SH3KBP1: variants seen among roughly 807,000 people sequenced by gnomAD.
SH3KBP1 encodes the protein SH3 domain containing kinase binding protein 1, also known as SH3 domain-containing kinase-binding protein 1.
A neutral mutation model predicts 50.1 loss-of-function variants in SH3KBP1; 8 were observed. The observed-to-expected ratio is 0.16, with a 90% confidence interval of 0.09 to 0.29. The LOEUF is 0.29. Ranked by LOEUF, SH3KBP1 falls within the 10% of genes least tolerant of loss-of-function variation. The probability of loss-of-function intolerance (pLI) is 1.00; values close to 1 mark genes in which losing one functional copy is unlikely to be tolerated. For synonymous variants in SH3KBP1, 227 were observed against 218.6 expected (o/e 1.04, Z -0.34); for missense variants, 377 against 535.2 (o/e 0.70, Z 2.92).
At chrX:19,714,206 G>C (rs898694421) in intron 3 of SH3KBP1, among the ~76,000 whole-genome samples, 1 of 112,172 alleles carries the variant, frequency 8.9e-6, no homozygotes, top group Non-Finnish European at 1.9e-5. Flanking sequence ...AGTGGGAGCA[G>C]GTCGGGGGTG....
chrX:19,637,080 G>A (rs898191574), intron 7 of SH3KBP1, among the ~76,000 whole-genome samples: 1 of 112,340 alleles, frequency 8.9e-6, no homozygotes, highest in African/African-American at 3.2e-5. Flanking sequence ...CAGAAGCCCT[G>A]GGGACAGGAT....
rs139683802 is a variant in SH3KBP1, at chrX:19,858,981, T to C, written c.5-22699A>G. Among the ~76,000 whole-genome samples the C allele has an allele frequency of 7.4e-3, 830 of 111,720 alleles. 12 individuals are homozygous for C. Among genetic ancestry groups the C allele is most frequent in the African/African-American group, 0.026 (799 of 30,721 alleles). ...CAACTGGAAAGGGACAAAAACTTGA[T>C]AGAGAAAGAAAAGTAACTGGCAGAA... is the stretch of plus-strand genomic sequence containing the variant. On this transcript the variant is annotated intron_variant, in intron 1 of 17. Coordinates refer to ENST00000397821, the MANE Select transcript of SH3KBP1 (RefSeq NM_031892.3).
rs1307438779 is a variant in SH3KBP1, at chrX:19,554,298, TATC to T, written c.1385-4218_1385-4216del. Among the ~76,000 whole-genome samples the T allele has an allele frequency of 5.6e-5, 5 of 89,449 alleles. No individual in the cohort carries two copies. In the South Asian group the frequency reaches 1.4e-3, roughly 25 times the overall value. 77.7% of individuals were successfully genotyped at this position (89,449 alleles called of 115,157 possible). The stretch of plus-strand genomic sequence containing the variant: ...ATATATCATATTAAAATATATTATA[TATC>T]ATATTAAAATATACATCATATTAAA... On this transcript the variant is annotated intron_variant, in intron 13 of 17. Coordinates refer to ENST00000397821, the MANE Select transcript of SH3KBP1 (RefSeq NM_031892.3).
chrX:19,861,673 T>A, intron 1 of SH3KBP1, among the ~76,000 whole-genome samples: 1 of 110,888 alleles, frequency 9.0e-6, no homozygotes, highest in Non-Finnish European at 1.9e-5. Flanking sequence ...TCTTTACAGA[T>A]TTTTTTTAAA....
intron 13 of SH3KBP1, among the ~76,000 whole-genome samples, chrX:19,560,702 C>A (rs2065646351): frequency 1.8e-5 from 2 of 110,977 alleles, no homozygotes; most frequent in African/African-American, 3.3e-5. Context: ...GGATGAGCAG[C>A]CAGAGCAGAG....
intron 2 of SH3KBP1, among the ~76,000 whole-genome samples, chrX:19,755,133 G>A (rs951981042): frequency 6.3e-5 from 7 of 111,681 alleles, no homozygotes; most frequent in Non-Finnish European, 1.3e-4. Context: ...CACTTTGGGA[G>A]GCCAGGCAGG....
At chrX:19,638,336 G>A (rs188203198) in intron 7 of SH3KBP1, among the ~76,000 whole-genome samples, 4 of 106,978 alleles carry the variant, frequency 3.7e-5, no homozygotes, top group Admixed American at 9.9e-5. Context: ...TGTGAACCCA[G>A]GAGGCGGAGC....
chrX:19,848,112 T>C (rs2068410603), intron 1 of SH3KBP1, among the ~76,000 whole-genome samples: 2 of 112,356 alleles, frequency 1.8e-5, no homozygotes, highest in Non-Finnish European at 3.8e-5. Flanking sequence ...TAATGATCTA[T>C]GAAGAGCAAT....
At chrX:19,562,647 C>T (rs1378437052) in intron 13 of SH3KBP1, among the ~76,000 whole-genome samples, 1 of 111,267 alleles carries the variant, frequency 9.0e-6, no homozygotes, top group East Asian at 2.8e-4. Flanking sequence ...GAATGATGAA[C>T]GAGAGCGCTG....
At chrX:19,840,976 T>C (rs1295736154) in intron 1 of SH3KBP1, among the ~76,000 whole-genome samples, 2 of 111,982 alleles carry the variant, frequency 1.8e-5, no homozygotes, top group African/African-American at 6.5e-5. Flanking sequence ...TACAAAAAGA[T>C]AGAGCCAGGG....
At chrX:19,810,414 A>T (rs1195905564) in intron 2 of SH3KBP1, among the ~76,000 whole-genome samples, 1 of 112,545 alleles carries the variant, frequency 8.9e-6, no homozygotes, top group Non-Finnish European at 1.9e-5. Flanking sequence ...GGCTGAATCT[A>T]CCAATGATGA....
At chrX:19,764,428 T>G (rs1179127452) in intron 2 of SH3KBP1, among the ~76,000 whole-genome samples, 1 of 111,457 alleles carries the variant, frequency 9.0e-6, no homozygotes, top group Admixed American at 9.5e-5. Flanking sequence ...AAATTTCCCC[T>G]GACTCTGACC....
Position 19,592,081 on chromosome X carries a change from C to A in SH3KBP1, c.1124G>T (p.Arg375Ile). ...TGATTTCATACCTTTTTCTTCTGTT[C>A]TGTTTGGAAGCATTTCTGGTCTTTC... Reference protein sequence around the residue: ...PPERPEMLPNRTEEKERPERE... With the variant: ...PPERPEMLPNITEEKERPERE... Residue 375 changes from arginine (R) to isoleucine (I), a missense_variant, in exon 11 of 18, where the codon AGA becomes ATA. Around this residue, in one of 3 missense-constraint regions of SH3KBP1, gnomAD observed 257 missense variants for 374.2 expected, o/e 0.69. Transcript: ENST00000397821. 5 of 1,203,936 alleles carry A rather than the reference C, an allele frequency of 4.2e-6. No individual in the cohort carries two copies. Among genetic ancestry groups the A allele is most frequent in the Non-Finnish European group, 5.6e-6 (5 of 889,404 alleles).
intron 1 of SH3KBP1, among the ~76,000 whole-genome samples, chrX:19,842,065 G>A (rs1215536988): frequency 9.0e-6 from 1 of 111,534 alleles, no homozygotes; most frequent in Non-Finnish European, 1.9e-5. Flanking sequence ...TAGGGCCGGG[G>A]ATGGGAATGG....
intron 8 of SH3KBP1, among the ~76,000 whole-genome samples, chrX:19,619,033 T>C (rs1246061048): frequency 1.8e-5 from 2 of 108,615 alleles, no homozygotes; most frequent in Non-Finnish European, 3.8e-5. Context: ...CCCAGCACTT[T>C]GGGAGGCCGA....
At chrX:19,619,041 CGAG>C (rs1231025205) in intron 8 of SH3KBP1, among the ~76,000 whole-genome samples, 2 of 108,274 alleles carry the variant, frequency 1.8e-5, no homozygotes, top group Admixed American at 2.0e-4. Flanking sequence ...TTTGGGAGGC[CGAG>C]GAGGGCAGAT....
chrX:19,623,259 C>T (rs536655321), intron 8 of SH3KBP1, among the ~76,000 whole-genome samples: 5 of 111,105 alleles, frequency 4.5e-5, no homozygotes, highest in East Asian at 2.8e-4. Flanking sequence ...AGAATAATTG[C>T]GAAAATATTA....
chrX:19,756,912 T>C (rs113785171), intron 2 of SH3KBP1, among the ~76,000 whole-genome samples: 2,609 of 107,083 alleles, frequency 0.024, 89 homozygotes, highest in African/African-American at 0.084. Flanking sequence ...CTAGCATTTG[T>C]GTACATTTGT....
intron 2 of SH3KBP1, among the ~76,000 whole-genome samples, chrX:19,772,906 A>G (rs906265920): frequency 9.0e-6 from 1 of 111,660 alleles, no homozygotes; most frequent in Admixed American, 9.5e-5. Context: ...ATTTTTGCTA[A>G]GTGTAACCTT....
Sources: gnomAD v4.1 joint callset for allele counts (sites outside exome capture counted in the v4.1 genomes callset) on GRCh38, gnomAD v4.1.1 for gene constraint, gnomAD v4.1.1 regional missense constraint, MANE v1.5 for transcripts, NCBI Gene and HGNC (gene_info 2026-07-23, HGNC 2026-07-21) for gene names.